Variants in BACE1 observed in about 807,000 individuals in gnomAD.
BACE1 encodes beta-secretase 1.
A neutral mutation model predicts 54.0 loss-of-function variants in BACE1; 21 were observed. The observed-to-expected ratio is 0.39, with a 90% CI of 0.28 to 0.56. The LOEUF (loss-of-function observed/expected upper bound fraction) is 0.56. Among genes scored for constraint, BACE1 ranks in the 20% least tolerant of loss-of-function variants. BACE1 has a pLI of 0.63. For synonymous variants in BACE1, 232 were observed against 260.9 expected, an observed-to-expected ratio of 0.89 and a Z score of 1.07; for missense variants, 511 against 661.2, an observed-to-expected ratio of 0.77 and a Z score of 2.49.
intron 2 of BACE1, chr11:117,295,727 C>G (rs1419405776): frequency 1.1e-5 from 13 of 1,141,062 alleles, no homozygotes; most frequent in Middle Eastern, 6.4e-4. Context: ...GAACCATTGA[C>G]TCTCTTACTG....
intron 1 of BACE1, chr11:117,297,365 A>C: frequency 5.8e-6 from 1 of 171,406 alleles, no homozygotes; most frequent in East Asian, 1.9e-4. Context: ...TACCCCTGTA[A>C]TCCCAGCACT....
chr11:117,295,702 G>A (rs1459654754), intron 2 of BACE1: 1 of 1,482,292 alleles, frequency 6.7e-7, no homozygotes, highest in Non-Finnish European at 8.9e-7. Context: ...GCTCCGTCAA[G>A]CTCCCCGAGA....
chr11:117,303,199 C>A (rs1413374694), intron 1 of BACE1, among the ~76,000 whole-genome samples: 1 of 152,136 alleles, frequency 6.6e-6, no homozygotes, highest in Non-Finnish European at 1.5e-5. Flanking sequence ...TGGCATGACA[C>A]CTGCCTGTAT....
intron 1 of BACE1, chr11:117,297,276 GAGAT>G (rs1160882940): frequency 2.7e-5 from 8 of 291,344 alleles, no homozygotes; most frequent in Middle Eastern, 9.6e-4. Context: ...GGAAGTCAAA[GAGAT>G]AGCCAGATGG....
At chr11:117,310,045 T>A (rs1475742339) in intron 1 of BACE1, among the ~76,000 whole-genome samples, 1 of 151,282 alleles carries the variant, frequency 6.6e-6, no homozygotes, top group African/African-American at 2.4e-5. Flanking sequence ...AGTAGCTGGG[T>A]TTACAGGCAT....
At chr11:117,312,036 A>T (rs2034953318) in intron 1 of BACE1, among the ~76,000 whole-genome samples, 1 of 152,240 alleles carries the variant, frequency 6.6e-6, no homozygotes, top group South Asian at 2.1e-4. Context: ...TTATATCTGA[A>T]GGCCAAAGTC....
intron 1 of BACE1, among the ~76,000 whole-genome samples, chr11:117,300,166 G>C (rs1445596186): frequency 1.3e-5 from 2 of 151,928 alleles, no homozygotes; most frequent in East Asian, 3.9e-4. Context: ...AGGGGGCCAG[G>C]CCGAGCCCAG....
chr11:117,292,988 A>G, intron 5 of BACE1, 66 bp downstream of exon 5: 1 of 1,567,772 alleles, frequency 6.4e-7, no homozygotes, highest in Non-Finnish European at 8.7e-7. Context: ...CATGATAACC[A>G]GAGTCTTCCT....
At chr11:117,291,916 G>T in intron 5 of BACE1, 103 bp from the exon 6 acceptor site, 1 of 715,926 alleles carries the variant, frequency 1.4e-6, no homozygotes, top group Non-Finnish European at 2.5e-6. Flanking sequence ...TGGCATCTTG[G>T]CTTTGGCACC....
chr11:117,305,174 T>C (rs1055284415), intron 1 of BACE1, among the ~76,000 whole-genome samples: 1 of 152,162 alleles, frequency 6.6e-6, no homozygotes, highest in Non-Finnish European at 1.5e-5. Flanking sequence ...AGAGCAGTTA[T>C]AGTGACTCCA....
At chr11:117,299,504 T>C in intron 1 of BACE1, 2 of 278,616 alleles carry the variant, frequency 7.2e-6, no homozygotes, top group South Asian at 5.8e-5. Flanking sequence ...CCTCCCCCAG[T>C]GCCTGCTTAG....
chr11:117,289,391 C>T lies in BACE1; in HGVS notation c.*175G>A. 1 of 1,096,402 alleles carries T rather than the reference C, an allele frequency of 9.1e-7. No individual in the cohort carries two copies. Among genetic ancestry groups the T allele is most frequent in the South Asian group, 1.7e-5 (1 of 59,756 alleles). The allele number at this position is 1,096,402 out of a possible 1,614,324, so 67.9% of individuals were successfully genotyped here. A position where few individuals can be genotyped will look rare whatever the true frequency, so the allele number is the denominator to read the frequency against. On this transcript the variant is annotated 3_prime_UTR_variant, in exon 9 of 9. Coordinates refer to ENST00000313005, the MANE Select transcript of BACE1 (RefSeq NM_012104.6). ...TTTTCTGTTTCCTACAGGTACAGTC[C>T]CTGGAACCCACCTTGCCAGCCTTTT...
chr11:117,293,998 G>C lies in BACE1; in HGVS notation c.578C>G (p.Ser193Cys), dbSNP rs1272850907. The C allele has an allele frequency of 6.2e-7, 1 of 1,613,686 alleles. No individual in the cohort carries two copies. Among genetic ancestry groups the C allele is most frequent in the East Asian group, 2.2e-5 (1 of 44,814 alleles). The change falls in exon 4 of 9, where the codon TCC (serine) becomes TGC (cysteine). Residue 193 changes from serine to cysteine, a missense_variant. Transcript: ENST00000313005. The surrounding 1 kb of genome is among the most constrained non-coding windows in gnomAD (Gnocchi z 4.1). Reference sequence around the variant, plus strand: ...CAGAGAGTCAAAGAAAGGCTCCAGGGAGTCGTCAGGCTTTGGCAGAAAGAG... The same window carrying C: ...CAGAGAGTCAAAGAAAGGCTCCAGGCAGTCGTCAGGCTTTGGCAGAAAGAG... ...AYAEIARPDD[S>C]LEPFFDSLVK...
chr11:117,295,801 C>A (rs1438627257), intron 2 of BACE1: 1 of 615,698 alleles, frequency 1.6e-6, no homozygotes, highest in Non-Finnish European at 2.0e-6. Flanking sequence ...AATGTGGAAC[C>A]TCTACAGCAA....
chr11:117,305,916 G>A (rs1348577584), intron 1 of BACE1, among the ~76,000 whole-genome samples: 5 of 152,034 alleles, frequency 3.3e-5, no homozygotes, highest in African/African-American at 1.2e-4. Context: ...GGCGCCTGTA[G>A]TCCCAGCTAC....
intron 1 of BACE1, among the ~76,000 whole-genome samples, chr11:117,314,984 C>T (rs937364954): frequency 6.6e-6 from 1 of 152,096 alleles, no homozygotes; most frequent in East Asian, 1.9e-4. Flanking sequence ...CCAGGGCTTC[C>T]GGGCGGAGTG....
At chr11:117,292,082 G>C (rs751644893) in intron 5 of BACE1, 47 of 215,108 alleles carry the variant, frequency 2.2e-4, no homozygotes, top group Non-Finnish European at 3.7e-4. Context: ...CAGAGAGAAG[G>C]CACTTGGTAA....
At position 117,289,300 on chromosome 11, in the gene BACE1, G is replaced by T. The variant is rs1349833688; in HGVS notation, c.*266C>A. 3 of 444,154 alleles carry T rather than the reference G, an allele frequency of 6.8e-6. No individual in the cohort carries two copies. The highest frequency in any genetic ancestry group is 5.8e-5 in the African/African-American group (3 of 51,560). 27.5% of individuals were successfully genotyped at this position (444,154 alleles called of 1,614,324 possible). On this transcript the variant is annotated 3_prime_UTR_variant, in exon 9 of 9. Coordinates refer to ENST00000313005, the MANE Select transcript of BACE1 (RefSeq NM_012104.6). Reference sequence around the variant, plus strand: ...TTCAGGGCTGAAGTTTCAAGCAGCAGAATTTCCCGACTTAAATTTGAGGTG... The same window carrying T: ...TTCAGGGCTGAAGTTTCAAGCAGCATAATTTCCCGACTTAAATTTGAGGTG...
chr11:117,292,199 TTTTTTTTTG>T (rs2034462935), intron 5 of BACE1: 1 of 142,104 alleles, frequency 7.0e-6, no homozygotes, highest in African/African-American at 2.7e-5. Flanking sequence ...TTTTTTTTTT[TTTTTTTTTG>T]AGATGGAGTA....
Sources: allele counts gnomAD v4.1 joint callset (sites outside exome capture counted in the v4.1 genomes callset), GRCh38; gene constraint gnomAD v4.1.1; non-coding constraint Gnocchi (gnomAD v3.1); transcripts MANE v1.5; gene names NCBI Gene and HGNC (gene_info 2026-07-23, HGNC 2026-07-21).